The following ARPP21 variants were observed in gnomAD, a reference collection of about 807,000 sequenced individuals.
ARPP21 encodes cAMP-regulated phosphoprotein 21.
ARPP21 carries 69 observed loss-of-function variants against 113.2 expected under a neutral mutation model. The ratio of observed to expected loss-of-function variants is 0.61; its 90% confidence interval spans 0.50 to 0.74. The LOEUF (loss-of-function observed/expected upper bound fraction) is 0.74. ARPP21 is among the 30% of genes least tolerant of loss of function. ARPP21 has a pLI of 0.00. For synonymous variants in ARPP21, 368 were observed against 375.5 expected (o/e 0.98, Z 0.23); for missense variants, 1,070 against 1,037.4 (o/e 1.03, Z -0.43).
At chr3:35,755,220 C>A (rs1210915122) in intron 19 of ARPP21, among the ~76,000 whole-genome samples, 1 of 151,910 alleles carries the variant, frequency 6.6e-6, no homozygotes, top group Non-Finnish European at 1.5e-5. Flanking sequence ...TCAGTTGTCA[C>A]CTACATCTAT....
intron 1 of ARPP21, among the ~76,000 whole-genome samples, chr3:35,659,807 C>T (rs1309416498): frequency 6.6e-6 from 1 of 152,198 alleles, no homozygotes; most frequent in Non-Finnish European, 1.5e-5. Context: ...ATAAAGGTGG[C>T]TGGTGTGTTG....
At chr3:35,748,458 AAAAG>A (rs1481973631) in intron 19 of ARPP21, among the ~76,000 whole-genome samples, 51 of 150,162 alleles carry the variant, frequency 3.4e-4, no homozygotes, top group African/African-American at 8.3e-4. Flanking sequence ...AAAAGAAAGA[AAAAG>A]AAAGAGAGAG....
intron 14 of ARPP21, among the ~76,000 whole-genome samples, chr3:35,724,157 A>G (rs1378511198): frequency 6.6e-6 from 1 of 152,192 alleles, no homozygotes; most frequent in Non-Finnish European, 1.5e-5. Flanking sequence ...ACATTTTCCT[A>G]CGTTTTGGAA....
intron 19 of ARPP21, among the ~76,000 whole-genome samples, chr3:35,765,065 G>A (rs1036131479): frequency 6.6e-6 from 1 of 151,986 alleles, no homozygotes; most frequent in South Asian, 2.1e-4. Flanking sequence ...TTCTACTTAG[G>A]TTAATTATTT....
At chr3:35,648,827 G>T (rs1014425970) in intron 1 of ARPP21, among the ~76,000 whole-genome samples, 3 of 152,040 alleles carry the variant, frequency 2.0e-5, no homozygotes, top group Admixed American at 6.6e-5. Flanking sequence ...CATTCTTCTG[G>T]GGAATAGCCT....
At chr3:35,661,277 G>A (rs1159567876) in intron 1 of ARPP21, among the ~76,000 whole-genome samples, 1 of 152,118 alleles carries the variant, frequency 6.6e-6, no homozygotes, top group African/African-American at 2.4e-5. Context: ...CATTGTCATA[G>A]TATGAAAATC....
intron 19 of ARPP21, among the ~76,000 whole-genome samples, chr3:35,765,399 T>G (rs1424068803): frequency 1.3e-5 from 2 of 152,016 alleles, no homozygotes; most frequent in Non-Finnish European, 2.9e-5. Flanking sequence ...ACCAAGCGAG[T>G]GGGGTAGAAG....
chr3:35,740,913 T>A (rs2094616429), intron 18 of ARPP21, among the ~76,000 whole-genome samples: 1 of 151,580 alleles, frequency 6.6e-6, no homozygotes, highest in Admixed American at 6.6e-5. Context: ...GCCTGCACAA[T>A]ATAGGGAGAC....
chr3:35,718,903 C>G (rs1337937325), intron 13 of ARPP21, among the ~76,000 whole-genome samples: 1 of 134,700 alleles, frequency 7.4e-6, no homozygotes, highest in Admixed American at 7.5e-5. Flanking sequence ...AGGAGAGTAA[C>G]CTGTGCAAAA....
Position 35,709,008 on chromosome 3 carries a change from A to C in ARPP21, c.835A>C (p.Lys279Gln). The C allele has an allele frequency of 6.2e-7, 1 of 1,613,974 alleles. No homozygotes were observed. Reference sequence around the variant, plus strand: ...TCCATTTAGAGATGACAGACGAAGTAAATCAATTGAAGAGAGAGAAGAGGA... The same window carrying C: ...TCCATTTAGAGATGACAGACGAAGTCAATCAATTGAAGAGAGAGAAGAGGA... The part of the protein sequence containing the change: ...MHPFRDDRRS[K>Q]SIEEREEEYQ... The change falls in exon 11 of 21, where the codon AAA (lysine) becomes CAA (glutamine). Residue 279 changes from lysine (K) to glutamine (Q), a missense_variant. Lys to Gln is a moderately conservative substitution (Grantham distance 53). Coordinates refer to ENST00000684406, the MANE Select transcript of ARPP21 (RefSeq NM_001385562.1).
At chr3:35,778,761 T>C (rs890201435) in intron 19 of ARPP21, among the ~76,000 whole-genome samples, 1 of 152,148 alleles carries the variant, frequency 6.6e-6, no homozygotes, top group Admixed American at 6.5e-5. Flanking sequence ...TCTACACAAT[T>C]CCTCGAGCTT....
At chr3:35,733,299 T>C (rs539619788) in intron 15 of ARPP21, among the ~76,000 whole-genome samples, 4 of 152,274 alleles carry the variant, frequency 2.6e-5, no homozygotes, top group African/African-American at 9.6e-5. Context: ...CTACCCATTA[T>C]GCATGTTGAT....
At chr3:35,763,918 C>T (rs9820003) in intron 19 of ARPP21, among the ~76,000 whole-genome samples, 3,361 of 152,152 alleles carry the variant, frequency 0.022, 132 homozygotes, top group African/African-American at 0.074. Flanking sequence ...AATCCCAGTA[C>T]TTTGGGAGGC....
At chr3:35,766,614 CT>C (rs545107957) in intron 19 of ARPP21, among the ~76,000 whole-genome samples, 2 of 152,132 alleles carry the variant, frequency 1.3e-5, no homozygotes, top group Non-Finnish European at 2.9e-5. Context: ...CAAACGCACC[CT>C]TTGTGGGCAG....
At chr3:35,734,600 C>T (rs2094216233) in intron 15 of ARPP21, among the ~76,000 whole-genome samples, 1 of 152,170 alleles carries the variant, frequency 6.6e-6, no homozygotes, top group African/African-American at 2.4e-5. Flanking sequence ...GAATATGCAA[C>T]ATTCAAAGTT....
At chr3:35,709,113 A>G in intron 11 of ARPP21, 43 bp downstream of exon 11, 1 of 1,360,522 alleles carries the variant, frequency 7.4e-7, no homozygotes. Flanking sequence ...GCTCCTTCCA[A>G]CAGCAGTAAG....
intron 19 of ARPP21, among the ~76,000 whole-genome samples, chr3:35,777,076 T>C (rs2096392744): frequency 6.6e-6 from 1 of 152,116 alleles, no homozygotes; most frequent in African/African-American, 2.4e-5. Flanking sequence ...CTTGTGGAAA[T>C]TTAGAGTGTG....
intron 11 of ARPP21, among the ~76,000 whole-genome samples, chr3:35,710,420 G>A (rs2090688716): frequency 6.6e-6 from 1 of 152,186 alleles, no homozygotes; most frequent in South Asian, 2.1e-4. Flanking sequence ...GATGCCTACA[G>A]TGGCCTGGAA....
intron 1 of ARPP21, among the ~76,000 whole-genome samples, chr3:35,677,122 G>A (rs2077700530): frequency 6.6e-6 from 1 of 151,838 alleles, no homozygotes; most frequent in Non-Finnish European, 1.5e-5. Flanking sequence ...TAAATATTGT[G>A]AAGAAAGTGA....
Sources: allele counts gnomAD v4.1 joint callset (sites outside exome capture counted in the v4.1 genomes callset), GRCh38; gene constraint gnomAD v4.1.1; transcripts MANE v1.5; gene names NCBI Gene and HGNC (gene_info 2026-07-23, HGNC 2026-07-21).